ZEB1: variants seen among roughly 807,000 people sequenced by gnomAD.
The protein encoded by ZEB1 is zinc finger E-box-binding homeobox 1.
A neutral mutation model predicts 84.9 loss-of-function variants in ZEB1; 21 were observed. The ratio of observed to expected loss-of-function variants is 0.25; its 90% CI spans 0.18 to 0.36. The LOEUF is 0.36. Among genes scored for constraint, ZEB1 ranks in the 10% least tolerant of loss-of-function variants. The probability of loss-of-function intolerance (pLI) is 1.00; values close to 1 mark genes in which losing one functional copy is unlikely to be tolerated. For missense variants in ZEB1, 1,104 were observed against 1,330.2 expected, an observed-to-expected ratio of 0.83 and a Z score of 2.65; for synonymous variants, 420 against 471.1, an observed-to-expected ratio of 0.89 and a Z score of 1.41.
chr10:31,495,725 G>C, intron 2 of ZEB1, 51 bp from the exon 3 acceptor site: 2 of 1,596,246 alleles, frequency 1.3e-6, no homozygotes, highest in South Asian at 2.2e-5. Flanking sequence ...TTTGTCTTTC[G>C]TTTGTATTAG....
At chr10:31,489,233 A>T (rs138909754) in intron 2 of ZEB1, among the ~76,000 whole-genome samples, 235 of 151,478 alleles carry the variant, frequency 1.6e-3, no homozygotes, top group African/African-American at 4.7e-3. Context: ...TTGATCTCTG[A>T]TAATTTTCTT....
At position 31,397,427 on chromosome 10, in the gene ZEB1, A is replaced by G. The variant is rs75192219; in HGVS notation, c.59-63610A>G. On this transcript the variant is annotated intron_variant, in intron 1 of 8. Transcript: ENST00000424869. ...TGGCTTTCAGTAAAAGGACAGCTCA[A>G]TTGCCTTTTTAGATACAGAATGTTT... Among the ~76,000 whole-genome samples, 380 of 152,106 alleles carry G rather than the reference A, an allele frequency of 2.5e-3. 4 individuals are homozygous for G. The highest frequency in any genetic ancestry group is 8.7e-3 in the African/African-American group (360 of 41,478).
chr10:31,467,902 T>C (rs2062643517), intron 2 of ZEB1, among the ~76,000 whole-genome samples: 1 of 152,114 alleles, frequency 6.6e-6, no homozygotes, highest in Non-Finnish European at 1.5e-5. Flanking sequence ...CATGGCAGTC[T>C]GGGCACAGGT....
chr10:31,370,808 T>C (rs2045563740), intron 1 of ZEB1, among the ~76,000 whole-genome samples: 1 of 152,244 alleles, frequency 6.6e-6, no homozygotes, highest in Non-Finnish European at 1.5e-5. Flanking sequence ...TGTGTGACTT[T>C]GGGTAAATAA....
At chr10:31,470,239 A>T (rs1254489051) in intron 2 of ZEB1, among the ~76,000 whole-genome samples, 1 of 152,086 alleles carries the variant, frequency 6.6e-6, no homozygotes, top group Non-Finnish European at 1.5e-5. Context: ...CTGAGAGAAG[A>T]AGGCTTCAGA....
chr10:31,481,448 A>C (rs1005157372), intron 2 of ZEB1, among the ~76,000 whole-genome samples: 1 of 152,022 alleles, frequency 6.6e-6, no homozygotes, highest in Admixed American at 6.6e-5. Flanking sequence ...GGCTGATTCT[A>C]TATCTAGGGC....
At chr10:31,399,098 G>A (rs955071968) in intron 1 of ZEB1, among the ~76,000 whole-genome samples, 1 of 151,300 alleles carries the variant, frequency 6.6e-6, no homozygotes, top group Non-Finnish European at 1.5e-5. Context: ...GGGTTCAAGC[G>A]ATTCTCCTGC....
chr10:31,332,247 C>T (rs1590017576), intron 1 of ZEB1, among the ~76,000 whole-genome samples: 1 of 152,164 alleles, frequency 6.6e-6, no homozygotes, highest in East Asian at 1.9e-4. Flanking sequence ...GTTATAGTGG[C>T]TGGTATCTGT....
intron 1 of ZEB1, among the ~76,000 whole-genome samples, chr10:31,376,893 A>C (rs1227838457): frequency 6.6e-6 from 1 of 151,674 alleles, no homozygotes; most frequent in Non-Finnish European, 1.5e-5. Flanking sequence ...CAACGGAAAT[A>C]ATTGCAGATG....
At chr10:31,521,987 A>G (rs1296186945) in intron 7 of ZEB1, 51 bp downstream of exon 7, 4 of 1,611,520 alleles carry the variant, frequency 2.5e-6, no homozygotes, top group Non-Finnish European at 2.5e-6. Flanking sequence ...CTATTTGACT[A>G]ATTTCAATTA....
chr10:31,336,167 C>A (rs2038010735), intron 1 of ZEB1, among the ~76,000 whole-genome samples: 1 of 152,124 alleles, frequency 6.6e-6, no homozygotes, highest in Non-Finnish European at 1.5e-5. Flanking sequence ...GCCATCTGAT[C>A]AAAATATTGA....
At chr10:31,518,407 A>G (rs139971899) in intron 6 of ZEB1, among the ~76,000 whole-genome samples, 241 of 152,272 alleles carry the variant, frequency 1.6e-3, no homozygotes, top group Middle Eastern at 0.014. Context: ...ACTTGAGAAG[A>G]AAAGTTACAC....
At chr10:31,364,957 A>G (rs1290324677) in intron 1 of ZEB1, among the ~76,000 whole-genome samples, 2 of 152,190 alleles carry the variant, frequency 1.3e-5, no homozygotes, top group East Asian at 1.9e-4. Context: ...GTCCTCTACA[A>G]AGACGTAGGG....
At chr10:31,448,242 G>T (rs1459272235) in intron 1 of ZEB1, among the ~76,000 whole-genome samples, 1 of 128,108 alleles carries the variant, frequency 7.8e-6, no homozygotes, top group Non-Finnish European at 1.6e-5. Context: ...CGTAGTTCTC[G>T]AGCCTTGGTT....
intron 1 of ZEB1, among the ~76,000 whole-genome samples, chr10:31,452,740 T>A (rs866978678): frequency 0.013 from 1,240 of 97,272 alleles, 20 homozygotes; most frequent in African/African-American, 0.085. Flanking sequence ...TGTGTGTGTG[T>A]GTGAGAGAGA....
At chr10:31,322,501 A>G (rs1589920840) in intron 1 of ZEB1, among the ~76,000 whole-genome samples, 1 of 152,330 alleles carries the variant, frequency 6.6e-6, no homozygotes. Context: ...TTTCTGGAAT[A>G]TGTCTGAAGG....
Sources: gnomAD v4.1 joint callset for allele counts (sites outside exome capture counted in the v4.1 genomes callset) on GRCh38, gnomAD v4.1.1 for gene constraint, MANE v1.5 for transcripts, NCBI Gene and HGNC (gene_info 2026-07-23, HGNC 2026-07-21) for gene names.